The following ABLIM2 variants were observed in gnomAD, a reference collection of about 807,000 sequenced individuals.
ABLIM2 encodes the protein actin-binding LIM protein 2.
A neutral mutation model predicts 97.7 loss-of-function variants in ABLIM2; 53 were observed. The observed-to-expected ratio is 0.54, with a 90% CI of 0.44 to 0.68. The LOEUF (loss-of-function observed/expected upper bound fraction) is 0.68, where lower values mean the gene tolerates loss of function less well. Among genes scored for constraint, ABLIM2 ranks in the 30% least tolerant of loss-of-function variants. ABLIM2 has a pLI of 0.00. For synonymous variants in ABLIM2, 361 were observed against 345.8 expected, an observed-to-expected ratio of 1.04 and a Z score of -0.49; for missense variants, 835 against 867.2, an observed-to-expected ratio of 0.96 and a Z score of 0.47.
rs1852014845 is a variant in ABLIM2, at chr4:8,147,521, G to C, written c.10+11159C>G. Among the ~76,000 whole-genome samples, 1 of 152,206 alleles carries C rather than the reference G, an allele frequency of 6.6e-6. No individual in the cohort carries two copies. The highest frequency in any genetic ancestry group is 1.5e-5 in the Non-Finnish European group (1 of 68,032). On this transcript the variant is annotated intron_variant, in intron 1 of 20. Transcript: ENST00000447017. This position sits in a 1 kb window ranked among gnomAD's most constrained non-coding sequence, Gnocchi z 5.3. ...ATTCTGGATGCTATGGGCGGGCTCT[G>C]AGTGCAATCTCAAGAGTCCTTATGG... is the stretch of plus-strand genomic sequence containing the variant.
intron 8 of ABLIM2, among the ~76,000 whole-genome samples, chr4:8,049,295 G>A (rs1794556316): frequency 6.6e-6 from 1 of 152,232 alleles, no homozygotes; most frequent in Non-Finnish European, 1.5e-5. Flanking sequence ...CCTGAGGCGG[G>A]GGCATTTGCA....
chr4:8,097,518 G>A (rs1013324686), intron 2 of ABLIM2, among the ~76,000 whole-genome samples: 1 of 152,200 alleles, frequency 6.6e-6, no homozygotes, highest in Non-Finnish European at 1.5e-5. Flanking sequence ...CTTGGGAAAG[G>A]GCACTGACCG....
At chr4:8,048,898 C>T (rs767888836) in intron 8 of ABLIM2, among the ~76,000 whole-genome samples, 7 of 152,148 alleles carry the variant, frequency 4.6e-5, no homozygotes, top group South Asian at 2.1e-4. Context: ...TCACCGTTCT[C>T]GGGGCTTACC....
chr4:8,135,665 G>A (rs112126208), intron 1 of ABLIM2, among the ~76,000 whole-genome samples: 2 of 152,216 alleles, frequency 1.3e-5, no homozygotes, highest in African/African-American at 4.8e-5. Context: ...CTGTTTATAA[G>A]CCGCCGGGCT....
intron 3 of ABLIM2, among the ~76,000 whole-genome samples, chr4:8,096,403 A>G (rs940929212): frequency 4.6e-5 from 7 of 152,184 alleles, no homozygotes; most frequent in African/African-American, 1.7e-4. Flanking sequence ...CAAAAATCAA[A>G]CACTCGGATA....
At chr4:8,057,909 G>T (rs965000631) in intron 7 of ABLIM2, among the ~76,000 whole-genome samples, 5 of 152,190 alleles carry the variant, frequency 3.3e-5, no homozygotes, top group Non-Finnish European at 5.9e-5. Context: ...GGCAGGGTGG[G>T]TGCCCCAAGG....
At chr4:7,991,032 C>G (rs1467919818) in intron 17 of ABLIM2, among the ~76,000 whole-genome samples, 1 of 152,238 alleles carries the variant, frequency 6.6e-6, no homozygotes, top group Non-Finnish European at 1.5e-5. Context: ...CGCTCTCCTT[C>G]CCACCCCTTA....
intron 3 of ABLIM2, among the ~76,000 whole-genome samples, chr4:8,092,909 C>T (rs372632464): frequency 1.1e-3 from 163 of 152,260 alleles, no homozygotes; most frequent in Middle Eastern, 3.4e-3. Flanking sequence ...AGTGCAGTGG[C>T]GTGATCTTGG....
chr4:8,103,573 C>G (rs1380209405), intron 2 of ABLIM2, among the ~76,000 whole-genome samples: 1 of 152,222 alleles, frequency 6.6e-6, no homozygotes, highest in East Asian at 1.9e-4. Context: ...CCCTCAGACC[C>G]CTGCTACTGC....
chr4:7,992,895 C>T lies in ABLIM2; in HGVS notation c.1651G>A (p.Gly551Arg). 1 of 1,613,244 alleles carries T rather than the reference C, an allele frequency of 6.2e-7. No homozygotes were observed. The highest frequency in any genetic ancestry group is 1.1e-5 in the South Asian group (1 of 90,868). Reference sequence around the variant, plus strand: ...TGGTCCAAGCCATTCTTTCCATGTCCTGGGAGAGGGTCAGATTTGGAATAG... The same window carrying T: ...TGGTCCAAGCCATTCTTTCCATGTCTTGGGAGAGGGTCAGATTTGGAATAG... The part of the protein sequence containing the change: ...FPYSKSDPLP[G>R]HGKNGLDQRN... Residue 551 changes from glycine to arginine, a missense_variant, in exon 17 of 21, where the codon GGA becomes AGA. Transcript: ENST00000447017. The surrounding 1 kb of genome is among the most constrained non-coding windows in gnomAD (Gnocchi z 5.7).
chr4:8,031,442 A>G (rs1055933168), intron 10 of ABLIM2, among the ~76,000 whole-genome samples: 31 of 152,348 alleles, frequency 2.0e-4, no homozygotes, highest in African/African-American at 7.0e-4. Context: ...CTGGGACATC[A>G]AAAGTCACCG....
chr4:8,118,018 G>C (rs1215361842), intron 1 of ABLIM2, among the ~76,000 whole-genome samples: 1 of 152,214 alleles, frequency 6.6e-6, no homozygotes, highest in African/African-American at 2.4e-5. Context: ...GTGATTTTCA[G>C]AGGCCTGTGT....
In ABLIM2 at chr4:8,024,475, T is replaced by A. The variant is rs558436951; in HGVS notation, c.1267+3284A>T. 9.2e-5 allele frequency among the ~76,000 whole-genome samples: 14 copies of A among 152,190 alleles called. No homozygotes were observed. In the East Asian group the frequency reaches 2.5e-3, roughly 27 times the overall value. ...GTACAGTGCCGTCCGGAGGGAAATGTCCACTGAGAGGGGCCAGAGACGCCA... is the reference window on the plus strand; with the variant it reads ...GTACAGTGCCGTCCGGAGGGAAATGACCACTGAGAGGGGCCAGAGACGCCA... On this transcript the variant is annotated intron_variant, in intron 12 of 20. Transcript: ENST00000447017.
chr4:8,084,278 G>T (rs553799162), intron 4 of ABLIM2, among the ~76,000 whole-genome samples: 1 of 152,308 alleles, frequency 6.6e-6, no homozygotes, highest in African/African-American at 2.4e-5. Flanking sequence ...GCCCAGAGCG[G>T]GACGGGGGCT....
At position 7,984,439 on chromosome 4, in the gene ABLIM2, C is replaced by T. The variant is rs1382079940; in HGVS notation, c.1735+400G>A. Among the ~76,000 whole-genome samples, 4 of 152,244 alleles carry T rather than the reference C, an allele frequency of 2.6e-5. No individual in the cohort carries two copies. In the East Asian group the frequency reaches 7.7e-4, roughly 29 times the overall value. On this transcript the variant is annotated intron_variant, in intron 18 of 20. Coordinates refer to ENST00000447017, the MANE Select transcript of ABLIM2 (RefSeq NM_001130083.2). ...TCTGGTAACACAAACCTCCTAGTAGCCCTGCTGAACCCGGAGAGTTCACGC... is the reference window on the plus strand; with the variant it reads ...TCTGGTAACACAAACCTCCTAGTAGTCCTGCTGAACCCGGAGAGTTCACGC...
In ABLIM2 at chr4:8,124,522, G is replaced by A. The variant is rs1259917788; in HGVS notation, c.11-17885C>T. Among the ~76,000 whole-genome samples the A allele has an allele frequency of 2.0e-5, 3 of 152,246 alleles. No homozygotes were observed. The highest frequency in any genetic ancestry group is 3.4e-3 in the Middle Eastern group (1 of 294). Reference sequence around the variant, plus strand: ...AATCCCACACTGCGTGGTCCTTCGCGACTGGCTTCTTTCACTCGGCGTCAT... The same window carrying A: ...AATCCCACACTGCGTGGTCCTTCGCAACTGGCTTCTTTCACTCGGCGTCAT... On this transcript the variant is annotated intron_variant, in intron 1 of 20. Transcript: ENST00000447017. The surrounding 1 kb of genome is among the most constrained non-coding windows in gnomAD (Gnocchi z 6.1).
chr4:8,066,198 CA>C (rs1807157733), intron 6 of ABLIM2, among the ~76,000 whole-genome samples: 1 of 150,036 alleles, frequency 6.7e-6, no homozygotes, highest in Non-Finnish European at 1.5e-5. Context: ...CCCAGCTAAT[CA>C]GGAGGCTGAG....
At chr4:8,012,602 A>C (rs538295478) in intron 14 of ABLIM2, among the ~76,000 whole-genome samples, 85 of 144,998 alleles carry the variant, frequency 5.9e-4, no homozygotes, top group African/African-American at 2.1e-3. Flanking sequence ...TCACCCATCC[A>C]TCGAGCCAGC....
At chr4:8,091,953 AT>A (rs1357548206) in intron 3 of ABLIM2, among the ~76,000 whole-genome samples, 3 of 132,100 alleles carry the variant, frequency 2.3e-5, no homozygotes, top group Non-Finnish European at 4.6e-5. Flanking sequence ...AATACATATT[AT>A]AATATAGAAT....
Sources: allele counts gnomAD v4.1 joint callset (sites outside exome capture counted in the v4.1 genomes callset), GRCh38; gene constraint gnomAD v4.1.1; non-coding constraint Gnocchi (gnomAD v3.1); transcripts MANE v1.5; gene names NCBI Gene and HGNC (gene_info 2026-07-23, HGNC 2026-07-21).